The following FCHSD1 variants were observed in gnomAD, a reference collection of about 807,000 sequenced individuals.
The protein encoded by FCHSD1 is FCH and double SH3 domains 1.
A neutral mutation model predicts 101.3 loss-of-function variants in FCHSD1; 109 were observed. The observed-to-expected ratio is 1.08, with a 90% CI of 0.92 to 1.26. The LOEUF is 1.26. Ranked by LOEUF, FCHSD1 falls within the 50% of genes most tolerant of loss-of-function variation. FCHSD1 has a pLI of 0.00. For missense variants in FCHSD1, 820 were observed against 895.8 expected (o/e 0.92, Z 1.08); for synonymous variants, 291 against 356.8 (o/e 0.82, Z 2.08).
chr5:141,648,827 G>T (rs1360163389), intron 7 of FCHSD1, 130 bp downstream of exon 7: 6 of 1,031,174 alleles, frequency 5.8e-6, no homozygotes, highest in Non-Finnish European at 7.4e-6. Flanking sequence ...ATTAACCAAG[G>T]TTACCCACCC....
Position 141,650,363 on chromosome 5 carries a change from C to G in FCHSD1, c.161G>C (p.Gly54Ala). ...KQRAAIEREY[G>A]QALQKLAGPF... The stretch of plus-strand genomic sequence containing the variant: ...GTCCAGAGAAAAGTCCCATACCTGC[C>G]CATACTCCCGTTCAATGGCTGCCCT... The change falls in exon 3 of 20, where the codon GGG (glycine) becomes GCG (alanine). Residue 54 changes from glycine to alanine, a missense_variant. Coordinates refer to ENST00000435817, the MANE Select transcript of FCHSD1 (RefSeq NM_033449.3). 1 of 1,613,896 alleles carries G rather than the reference C, an allele frequency of 6.2e-7. No homozygotes were observed. Among genetic ancestry groups the G allele is most frequent in the South Asian group, 1.1e-5 (1 of 91,082 alleles).
chr5:141,649,074 T>A lies in FCHSD1; in HGVS notation c.513-54A>T. 8 of 1,613,798 alleles carry A rather than the reference T, an allele frequency of 5.0e-6. No individual in the cohort carries two copies. Among genetic ancestry groups the A allele is most frequent in the Non-Finnish European group, 6.8e-6 (8 of 1,179,780 alleles). On this transcript the variant is annotated intron_variant, in intron 6 of 19. Transcript: ENST00000435817. This position sits in a 1 kb window ranked among gnomAD's most constrained non-coding sequence, Gnocchi z 4.1. ...CCACCCCAAGTGGGAGAATATGAGA[T>A]CAGAGTCAGGCCCAGCTTTGGTGAC...
chr5:141,644,463 G>A, intron 16 of FCHSD1, 25 bp from the exon 17 acceptor site: 1 of 1,610,690 alleles, frequency 6.2e-7, no homozygotes, highest in Non-Finnish European at 8.5e-7. Context: ...GAGAGACGGT[G>A]AGAGGGAGGT....
Position 141,640,346 on chromosome 5 carries a change from A to C in FCHSD1, c.*1152T>G, listed in dbSNP as rs2154598243. ...CTGGGCTGGGCTCTTATTGCTCTCT[A>C]CTCTGGGGGGCACTGATAGGACCTA... On this transcript the variant is annotated 3_prime_UTR_variant, in exon 20 of 20. Transcript: ENST00000435817. The C allele has an allele frequency of 6.2e-7, 1 of 1,613,826 alleles. No individual in the cohort carries two copies. Among genetic ancestry groups the C allele is most frequent in the South Asian group, 1.1e-5 (1 of 91,072 alleles).
In FCHSD1 at chr5:141,640,742, C is replaced by A; in HGVS notation, c.*756G>T. On this transcript the variant is annotated 3_prime_UTR_variant, in exon 20 of 20. Transcript: ENST00000435817. ...TGGGTGGGCGTGAAAGCCCTCCCCT[C>A]CACTGGACAGCACTGCCCCCCAGCT... The A allele has an allele frequency of 7.1e-7, 1 of 1,414,862 alleles. No homozygotes were observed. Among genetic ancestry groups the A allele is most frequent in the Non-Finnish European group, 9.6e-7 (1 of 1,044,836 alleles). 87.6% of individuals were successfully genotyped at this position (1,414,862 alleles called of 1,614,324 possible).
rs1413653943 is a variant in FCHSD1, at chr5:141,647,407, T to C, written c.819A>G (p.Thr273=). 2 of 1,597,634 alleles carry C rather than the reference T, an allele frequency of 1.3e-6. No homozygotes were observed. Among genetic ancestry groups the C allele is most frequent in the Admixed American group, 3.5e-5 (2 of 57,184 alleles). The change falls in exon 9 of 20, where the codon ACA becomes ACG. Residue 273 remains threonine (T), a synonymous_variant. Transcript: ENST00000435817. Reference sequence around the variant, plus strand: ...AGGCCACAGCCCTCACCTGGGAGGTTGTCTGCTCCCCGCGGTGGGCATGCT... The same window carrying C: ...AGGCCACAGCCCTCACCTGGGAGGTCGTCTGCTCCCCGCGGTGGGCATGCT... ...ILEHAHRGEQ[T]TSQVSWEQDL...
At chr5:141,642,197 C>T (rs1315324591) in intron 18 of FCHSD1, 1 of 534,034 alleles carries the variant, frequency 1.9e-6, no homozygotes, top group Admixed American at 3.7e-5. Context: ...ATGTCCTCTG[C>T]AGCAACATGA....
Position 141,645,232 on chromosome 5 carries a change from G to A in FCHSD1, c.1312-84C>T. 2.7e-6 allele frequency: 4 copies of A among 1,503,048 alleles called. No homozygotes were observed. In the South Asian group the frequency reaches 5.5e-5, roughly 21 times the overall value. The allele number at this position is 1,503,048 out of a possible 1,614,324, so 93.1% of individuals were successfully genotyped here. On this transcript the variant is annotated intron_variant, in intron 13 of 19. Coordinates refer to ENST00000435817, the MANE Select transcript of FCHSD1 (RefSeq NM_033449.3). ...CCCACTCTTCCATCTTTCCTCTAAA[G>A]GACACCATGGATCCTCCAAGGCAGG...
In FCHSD1 at chr5:141,639,979, CCA is replaced by C. The variant is rs2099906647; in HGVS notation, c.*1517_*1518del. ...CTGCACGAACACCGTGATGGCTCCC[CCA>C]CAGACAGGAGCTGGGGCTCTGGTGG... On this transcript the variant is annotated 3_prime_UTR_variant, in exon 20 of 20. Transcript: ENST00000435817. The surrounding 1 kb of genome is among the most constrained non-coding windows in gnomAD (Gnocchi z 4.4). 1 of 1,613,936 alleles carries C rather than the reference CCA, an allele frequency of 6.2e-7. No homozygotes were observed.
At chr5:141,646,866 T>A in intron 10 of FCHSD1, 144 bp from the exon 11 acceptor site, 1 of 1,290,350 alleles carries the variant, frequency 7.7e-7, no homozygotes, top group South Asian at 1.5e-5. Flanking sequence ...ACAGGTAATG[T>A]GGACACAGAG....
Position 141,641,102 on chromosome 5 carries a change from A to C in FCHSD1, c.*396T>G. ...ATCCTGGCTCCAGCTCCTGATTCCC[A>C]AGGCCTGTTCCTCTCCCCAGCCCAA... On this transcript the variant is annotated 3_prime_UTR_variant, in exon 20 of 20. Transcript: ENST00000435817. 3.4e-6 allele frequency: 1 copy of C among 296,726 alleles called. No homozygotes were observed. 18.4% of individuals were successfully genotyped at this position (296,726 alleles called of 1,614,324 possible).
At position 141,640,211 on chromosome 5, in the gene FCHSD1, G is replaced by A. The variant is rs1252704246; in HGVS notation, c.*1287C>T. On this transcript the variant is annotated 3_prime_UTR_variant, in exon 20 of 20. Transcript: ENST00000435817. ...GAGCTTCTGCAGAGCCAACACTGAG[G>A]GCCGGAGGGAGGGGCCCAAGCCCAG... The A allele has an allele frequency of 1.2e-6, 2 of 1,614,172 alleles. No homozygotes were observed. Among genetic ancestry groups the A allele is most frequent in the East Asian group, 2.2e-5 (1 of 44,878 alleles).
rs144069501 is a variant in FCHSD1 at position 141,639,573 on chromosome 5, C to T, written c.*1925G>A. 1 of 1,614,092 alleles carries T rather than the reference C, an allele frequency of 6.2e-7. No individual in the cohort carries two copies. Among genetic ancestry groups the T allele is most frequent in the African/African-American group, 1.3e-5 (1 of 75,054 alleles). On this transcript the variant is annotated 3_prime_UTR_variant, in exon 20 of 20. Transcript: ENST00000435817. This position sits in a 1 kb window ranked among gnomAD's most constrained non-coding sequence, Gnocchi z 4.4. ...TTGCAGCCGCAGCAAGAGGCCTCCA[C>T]TTGTCCGTCAGGGACGCTCCAAGGA... is the stretch of plus-strand genomic sequence containing the variant.
chr5:141,646,742 C>T lies in FCHSD1; in HGVS notation c.925-20G>A, dbSNP rs760257339. 4 of 1,609,008 alleles carry T rather than the reference C, an allele frequency of 2.5e-6. No homozygotes were observed. In the South Asian group the frequency reaches 4.4e-5, roughly 18 times the overall value. ...ACACACCTGAATGGGTCAGGGGGTG[C>T]TGTGAGGAGGACCTGAGGCTGCTCC... On this transcript the variant is annotated intron_variant, in intron 10 of 19. Coordinates refer to ENST00000435817, the MANE Select transcript of FCHSD1 (RefSeq NM_033449.3).
At position 141,641,743 on chromosome 5, in the gene FCHSD1, A is replaced by G; in HGVS notation, c.1966T>C (p.Phe656Leu). 1 of 1,614,068 alleles carries G rather than the reference A, an allele frequency of 6.2e-7. No homozygotes were observed. The highest frequency in any genetic ancestry group is 1.1e-5 in the South Asian group (1 of 91,088). ...GCCATCATGTCCAGGAACCCAGGGA[A>G]GTCCAGGGCTTTGTCTGGAAATAAG... ...PVLPGDKALD[F>L]PGFLDMMAPR... The change falls in exon 19 of 20, where the codon TTC becomes CTC. Residue 656 changes from phenylalanine (F) to leucine (L), a missense_variant. Coordinates refer to ENST00000435817, the MANE Select transcript of FCHSD1 (RefSeq NM_033449.3).
Position 141,651,127 on chromosome 5 carries a change from C to T in FCHSD1, c.22-10G>A, listed in dbSNP as rs1419382401. 2 of 1,565,882 alleles carry T rather than the reference C, an allele frequency of 1.3e-6. No individual in the cohort carries two copies. The highest frequency in any genetic ancestry group is 8.7e-7 in the Non-Finnish European group (1 of 1,154,412). On this transcript the variant is annotated splice_polypyrimidine_tract_variant and intron_variant, in intron 1 of 19. Transcript: ENST00000435817. ...CCTGGGCCGGCTTCACCTGTGGGGG[C>T]AAAGAGAGGATGAAGACCCCAGCGC...
Position 141,641,281 on chromosome 5 carries a change from G to GGTT in FCHSD1, c.*216_*217insAAC, listed in dbSNP as rs3833652. 8.5e-6 allele frequency: 4 copies of GGTT among 469,934 alleles called. No homozygotes were observed. Among genetic ancestry groups the GGTT allele is most frequent in the Non-Finnish European group, 1.5e-5 (4 of 265,426 alleles). The allele number at this position is 469,934 out of a possible 1,614,324, so 29.1% of individuals were successfully genotyped here. On this transcript the variant is annotated 3_prime_UTR_variant, in exon 20 of 20. Coordinates refer to ENST00000435817, the MANE Select transcript of FCHSD1 (RefSeq NM_033449.3). ...TAGATAGGGTCATGACAGAAGAGAAGGTAGTTCCGGTCCTAGAGATGATAG... is the reference window on the plus strand; with the variant it reads ...TAGATAGGGTCATGACAGAAGAGAAGGTTGTAGTTCCGGTCCTAGAGATGATAG...
At chr5:141,642,548 GA>G (rs35094060) in intron 18 of FCHSD1, 9 of 394,616 alleles carry the variant, frequency 2.3e-5, no homozygotes, top group South Asian at 8.9e-5. Context: ...ATTTAAAAAA[GA>G]AAAAAAGTGG....
chr5:141,645,654 G>T, intron 13 of FCHSD1, 117 bp downstream of exon 13: 1 of 1,230,766 alleles, frequency 8.1e-7, no homozygotes, highest in East Asian at 2.6e-5. Context: ...TTTCACTTAA[G>T]CCTCGTAATA....
Sources: allele counts gnomAD v4.1 joint callset, GRCh38; gene constraint gnomAD v4.1.1; non-coding constraint Gnocchi (gnomAD v3.1); transcripts MANE v1.5; gene names NCBI Gene and HGNC (gene_info 2026-07-23, HGNC 2026-07-21).